PRKN: variants seen among roughly 807,000 people sequenced by gnomAD.
The protein encoded by PRKN is parkin RBR E3 ubiquitin protein ligase.
Under a neutral mutation model 59.5 loss-of-function variants are expected in PRKN, and 56 were observed. That is an observed-to-expected ratio of 0.94 (90% CI 0.76 to 1.18). The LOEUF (loss-of-function observed/expected upper bound fraction) is 1.18. Among genes scored for constraint, PRKN ranks in the 50% most tolerant of loss-of-function variants. PRKN has a pLI of 0.00. For missense variants in PRKN, 657 were observed against 596.4 expected (o/e 1.10, Z -1.06); for synonymous variants, 250 against 222.1 (o/e 1.13, Z -1.12).
intron 4 of PRKN, among the ~76,000 whole-genome samples, chr6:162,167,522 T>C (rs1783041940): frequency 6.6e-6 from 1 of 152,010 alleles, no homozygotes. Flanking sequence ...ATCTGACTAT[T>C]ATAGAGAAAA....
At position 161,552,609 on chromosome 6, in the gene PRKN, A is replaced by AC. The variant is rs200606297; in HGVS notation, c.934-3607_934-3606insG. Among the ~76,000 whole-genome samples, 535 of 152,022 alleles carry AC rather than the reference A, an allele frequency of 3.5e-3. 10 individuals carry two copies. The East Asian group carries it at 0.059, about 17-fold the overall frequency. On this transcript the variant is annotated intron_variant, in intron 8 of 11. Coordinates refer to ENST00000366898, the MANE Select transcript of PRKN (RefSeq NM_004562.3). This position sits in a 1 kb window ranked among gnomAD's most constrained non-coding sequence, Gnocchi z 4.9. ...CAAAAACAAAAAACAAAAAACAAAAAACTTTTTATTGTAAATATCACATAG... is the reference window on the plus strand; with the variant it reads ...CAAAAACAAAAAACAAAAAACAAAAACACTTTTTATTGTAAATATCACATAG...
intron 2 of PRKN, among the ~76,000 whole-genome samples, chr6:162,311,438 C>T (rs781666920): frequency 2.0e-5 from 3 of 151,110 alleles, no homozygotes; most frequent in Non-Finnish European, 2.9e-5. Context: ...GTTACTCTAA[C>T]GACACATAAT....
rs1779454455 is a variant in PRKN at position 161,537,478 on chromosome 6, TTCTTGC to T, written c.1083+11370_1083+11375del. Among the ~76,000 whole-genome samples the T allele has an allele frequency of 4.0e-5, 6 of 151,706 alleles. No individual in the cohort carries two copies. In the South Asian group the frequency reaches 1.3e-3, roughly 32 times the overall value. On this transcript the variant is annotated intron_variant, in intron 9 of 11. Coordinates refer to ENST00000366898, the MANE Select transcript of PRKN (RefSeq NM_004562.3). ...TTTTTTCTTTTTTTTTTGAGATGGA[TTCTTGC>T]TCTGTCGCCCAGGCTGGAGTTTAGT...
intron 4 of PRKN, among the ~76,000 whole-genome samples, chr6:162,175,380 A>C (rs1783485629): frequency 6.6e-6 from 1 of 152,208 alleles, no homozygotes; most frequent in Non-Finnish European, 1.5e-5. Flanking sequence ...AGCACCACCT[A>C]CAACACTGGT....
intron 6 of PRKN, among the ~76,000 whole-genome samples, chr6:161,968,397 A>G (rs1040528551): frequency 2.0e-5 from 3 of 151,962 alleles, no homozygotes; most frequent in Non-Finnish European, 4.4e-5. Context: ...AAGGAAGCCT[A>G]GAGGTGGTTA....
At chr6:162,577,855 G>A (rs1244747202) in intron 1 of PRKN, among the ~76,000 whole-genome samples, 2 of 152,142 alleles carry the variant, frequency 1.3e-5, no homozygotes, top group East Asian at 3.9e-4. Context: ...CTGGAGCCCA[G>A]GAGGTCAAGG....
At chr6:162,416,187 G>A (rs1019206035) in intron 2 of PRKN, among the ~76,000 whole-genome samples, 1 of 152,114 alleles carries the variant, frequency 6.6e-6, no homozygotes, top group African/African-American at 2.4e-5. Context: ...TGTCGAGGGT[G>A]AGTATTTGTT....
rs116518901 is a variant in PRKN, at chr6:161,797,687, T to C, written c.735-11779A>G. ...TCTTAAAACAGTTCAACAATGAAAATGTCTCAACATGAGAAGGTACTGTGA... is the reference window on the plus strand; with the variant it reads ...TCTTAAAACAGTTCAACAATGAAAACGTCTCAACATGAGAAGGTACTGTGA... On this transcript the variant is annotated intron_variant, in intron 6 of 11. Coordinates refer to ENST00000366898, the MANE Select transcript of PRKN (RefSeq NM_004562.3). Among the ~76,000 whole-genome samples the C allele has an allele frequency of 6.8e-3, 1,030 of 152,304 alleles. 14 individuals carry two copies. Among genetic ancestry groups the C allele is most frequent in the African/African-American group, 0.024 (985 of 41,566 alleles).
intron 2 of PRKN, among the ~76,000 whole-genome samples, chr6:162,427,671 A>G (rs1290083483): frequency 1.1e-4 from 16 of 141,152 alleles, no homozygotes; most frequent in African/African-American, 4.3e-4. Context: ...TTTTTGATGG[A>G]GTCTCGCTCT....
intron 9 of PRKN, among the ~76,000 whole-genome samples, chr6:161,436,925 G>T (rs1219940797): frequency 1.3e-5 from 2 of 152,074 alleles, no homozygotes; most frequent in Non-Finnish European, 1.5e-5. Context: ...ACAGTGAAGA[G>T]GTTTACAAGC....
chr6:161,954,205 G>A (rs1250659004), intron 6 of PRKN, among the ~76,000 whole-genome samples: 1 of 152,184 alleles, frequency 6.6e-6, no homozygotes. Context: ...ACATCGAAGC[G>A]AAGCACTTAG....
rs1388514335 is a variant in PRKN at position 161,546,472 on chromosome 6, G to T, written c.1083+2382C>A. 6.6e-6 allele frequency among the ~76,000 whole-genome samples: 1 copy of T among 152,168 alleles called. No homozygotes were observed. The highest frequency in any genetic ancestry group is 1.5e-5 in the Non-Finnish European group (1 of 68,034). On this transcript the variant is annotated intron_variant, in intron 9 of 11. Coordinates refer to ENST00000366898, the MANE Select transcript of PRKN (RefSeq NM_004562.3). This position sits in a 1 kb window ranked among gnomAD's most constrained non-coding sequence, Gnocchi z 4.4. ...ATGATGAAATCAATTTATCTCTGCT[G>T]AGAAGCCAAAGCAATGGGAATGGAC...
intron 1 of PRKN, among the ~76,000 whole-genome samples, chr6:162,594,961 T>G (rs929833989): frequency 4.6e-5 from 7 of 151,944 alleles, no homozygotes; most frequent in African/African-American, 1.7e-4. Context: ...GATCACGAGG[T>G]CAGGAGATCA....
Position 161,540,119 on chromosome 6 carries a change from A to G in PRKN, c.1083+8735T>C, listed in dbSNP as rs1379394439. Among the ~76,000 whole-genome samples, 6 of 152,328 alleles carry G rather than the reference A, an allele frequency of 3.9e-5. No individual in the cohort carries two copies. The East Asian group carries it at 1.2e-3, about 29-fold the overall frequency. ...CCCAGCTGGACTGGACCCAAGCACT[A>G]CATCCTTAGGATTGTTCTCACTGTT... On this transcript the variant is annotated intron_variant, in intron 9 of 11. Coordinates refer to ENST00000366898, the MANE Select transcript of PRKN (RefSeq NM_004562.3).
In PRKN at chr6:161,977,537, TTTTGG is replaced by T. The variant is rs1199080215; in HGVS notation, c.619-4125_619-4121del. 1.8e-3 allele frequency among the ~76,000 whole-genome samples: 176 copies of T among 98,846 alleles called. 7 individuals are homozygous for T. Among genetic ancestry groups the T allele is most frequent in the Middle Eastern group, 6.7e-3 (1 of 150 alleles). The allele number at this position is 98,846 out of a possible 152,430, so 64.8% of individuals were successfully genotyped here. The stretch of plus-strand genomic sequence containing the variant: ...ACATTATCTTCTCTACTTTCTGTTT[TTTTGG>T]TTTTTTTTTTTTTTTTTTTTTTTAA... On this transcript the variant is annotated intron_variant, in intron 5 of 11. Coordinates refer to ENST00000366898, the MANE Select transcript of PRKN (RefSeq NM_004562.3).
rs1230655631 is a variant in PRKN, at chr6:162,056,056, CACAT to C, written c.535-1886_535-1883del. On this transcript the variant is annotated intron_variant, in intron 4 of 11. Coordinates refer to ENST00000366898, the MANE Select transcript of PRKN (RefSeq NM_004562.3). The surrounding 1 kb of genome is among the most constrained non-coding windows in gnomAD (Gnocchi z 4.9). The stretch of plus-strand genomic sequence containing the variant: ...ACACACCACACATGCATAAACACAC[CACAT>C]ACATACACGTGCACACACATCCCAC... Among the ~76,000 whole-genome samples the C allele has an allele frequency of 1.3e-5, 2 of 151,550 alleles. No homozygotes were observed. Among genetic ancestry groups the C allele is most frequent in the East Asian group, 1.9e-4 (1 of 5,142 alleles).
chr6:161,741,923 T>C (rs1788203473), intron 7 of PRKN, among the ~76,000 whole-genome samples: 1 of 151,246 alleles, frequency 6.6e-6, no homozygotes, highest in South Asian at 2.1e-4. Flanking sequence ...AGTGAATAAG[T>C]CTCATGAGAT....
chr6:161,940,543 TGA>T (rs1779523696), intron 6 of PRKN, among the ~76,000 whole-genome samples: 1 of 152,188 alleles, frequency 6.6e-6, no homozygotes, highest in African/African-American at 2.4e-5. Flanking sequence ...GAGCATTGGT[TGA>T]GAGTTTTAGA....
In PRKN at chr6:161,456,251, A is replaced by G. The variant is rs1436417029; in HGVS notation, c.1084-69374T>C. Among the ~76,000 whole-genome samples the G allele has an allele frequency of 6.6e-6, 1 of 152,224 alleles. No individual in the cohort carries two copies. The highest frequency in any genetic ancestry group is 1.5e-5 in the Non-Finnish European group (1 of 68,028). ...TGAATCGGCTGCCAGTGCAGCTAAG[A>G]TAAAAGCAGGCAGAAGGGTGTGGAA... On this transcript the variant is annotated intron_variant, in intron 9 of 11. Coordinates refer to ENST00000366898, the MANE Select transcript of PRKN (RefSeq NM_004562.3). This position sits in a 1 kb window ranked among gnomAD's most constrained non-coding sequence, Gnocchi z 4.8.
Sources: allele counts gnomAD v4.1 joint callset (sites outside exome capture counted in the v4.1 genomes callset), GRCh38; gene constraint gnomAD v4.1.1; non-coding constraint Gnocchi (gnomAD v3.1); transcripts MANE v1.5; gene names NCBI Gene and HGNC (gene_info 2026-07-23, HGNC 2026-07-21).